RAD52: variants seen among roughly 807,000 people sequenced by gnomAD.
RAD52 encodes the protein RAD52 DNA repair protein, also known as DNA repair protein RAD52 homolog.
RAD52 carries 47 observed loss-of-function variants against 55.5 expected under a neutral mutation model. That is an observed-to-expected ratio of 0.85 (90% CI 0.67 to 1.08). RAD52 has a LOEUF of 1.08. Ranked by LOEUF, RAD52 falls within the 50% of genes least tolerant of loss-of-function variation. The probability of loss-of-function intolerance (pLI) is 0.00; values close to 1 mark genes in which losing one functional copy is unlikely to be tolerated. For synonymous variants in RAD52, 184 were observed against 198.9 expected (o/e 0.92, Z 0.63); for missense variants, 468 against 522.8 (o/e 0.90, Z 1.02).
intron 1 of RAD52, among the ~76,000 whole-genome samples, chr12:968,918 C>T (rs1389452040): frequency 1.3e-5 from 2 of 152,050 alleles, no homozygotes; most frequent in African/African-American, 4.8e-5. Context: ...TACACACACA[C>T]ACACAGAGTC....
chr12:914,840 TAACCCTTGCTCA>T (rs1956271630), intron 9 of RAD52, among the ~76,000 whole-genome samples: 1 of 152,086 alleles, frequency 6.6e-6, no homozygotes. Context: ...TTAACAGCCA[TAACCCTTGCTCA>T]AACAAAATCT....
intron 1 of RAD52, among the ~76,000 whole-genome samples, chr12:935,225 T>G (rs962788972): frequency 3.3e-5 from 5 of 152,014 alleles, no homozygotes; most frequent in Admixed American, 1.3e-4. Context: ...CCACAATCAC[T>G]GAAATGCTTT....
Position 913,001 on chromosome 12 carries a change from C to A in RAD52, c.*390G>T, listed in dbSNP as rs1285159082. 4.4e-6 allele frequency: 1 copy of A among 228,808 alleles called. No homozygotes were observed. The highest frequency in any genetic ancestry group is 8.6e-6 in the Non-Finnish European group (1 of 116,230). 14.2% of individuals were successfully genotyped at this position (228,808 alleles called of 1,614,324 possible). ...GAAAGAAGGCAGACGTTATGCAAAACAACTGAATGTAGACAATTGCTGAGG... is the reference window on the plus strand; with the variant it reads ...GAAAGAAGGCAGACGTTATGCAAAAAAACTGAATGTAGACAATTGCTGAGG... On this transcript the variant is annotated 3_prime_UTR_variant, in exon 12 of 12. Transcript: ENST00000358495.
intron 1 of RAD52, among the ~76,000 whole-genome samples, chr12:941,707 A>T (rs1592422558): frequency 1.3e-5 from 2 of 152,162 alleles, no homozygotes; most frequent in African/African-American, 4.8e-5. Context: ...ATCTCAGCTC[A>T]CTGCAACCTC....
chr12:913,121 G>A lies in RAD52; in HGVS notation c.*270C>T. The A allele has an allele frequency of 2.6e-6, 1 of 382,978 alleles. No individual in the cohort carries two copies. Among genetic ancestry groups the A allele is most frequent in the South Asian group, 6.6e-5 (1 of 15,240 alleles). 23.7% of individuals were successfully genotyped at this position (382,978 alleles called of 1,614,324 possible). A position where few individuals can be genotyped will look rare whatever the true frequency, so the allele number is the denominator to read the frequency against. On this transcript the variant is annotated 3_prime_UTR_variant, in exon 12 of 12. Coordinates refer to ENST00000358495, the MANE Select transcript of RAD52 (RefSeq NM_134424.4). ...CCATCTTCATTAACATAATAGTTCA[G>A]TAATAAATAGTGGGAAGCCTCACAA...
intron 1 of RAD52, among the ~76,000 whole-genome samples, chr12:945,040 A>T (rs1449982773): frequency 6.6e-6 from 1 of 152,054 alleles, no homozygotes; most frequent in Non-Finnish European, 1.5e-5. Flanking sequence ...ATGAAACTTT[A>T]AAAAAATTAG....
Position 920,434 on chromosome 12 carries a change from G to A in RAD52, c.544-3614C>T, listed in dbSNP as rs1956660378. 2.0e-5 allele frequency among the ~76,000 whole-genome samples: 3 copies of A among 147,970 alleles called. 1 individual carries two copies. Among genetic ancestry groups the A allele is most frequent in the Admixed American group, 2.0e-4 (3 of 14,798 alleles). ...AGCCGGGCGTAGGTGGCGGGCGCCT[G>A]TAGTCCCAGCTACTCAGGAGGCTGA... On this transcript the variant is annotated intron_variant, in intron 7 of 11. Coordinates refer to ENST00000358495, the MANE Select transcript of RAD52 (RefSeq NM_134424.4).
At chr12:935,849 G>A (rs902419155) in intron 1 of RAD52, among the ~76,000 whole-genome samples, 8 of 148,438 alleles carry the variant, frequency 5.4e-5, no homozygotes, top group African/African-American at 2.5e-5. Context: ...GTGAAACTCC[G>A]TCTCAAAAAA....
At chr12:921,219 T>C (rs1407499713) in intron 7 of RAD52, among the ~76,000 whole-genome samples, 2 of 148,936 alleles carry the variant, frequency 1.3e-5, no homozygotes, top group Non-Finnish European at 3.0e-5. Context: ...AAAAAAAAAG[T>C]TACACCCAAA....
chr12:914,016 A>G lies in RAD52; in HGVS notation c.1073T>C (p.Leu358Ser). The G allele has an allele frequency of 1.9e-6, 3 of 1,614,148 alleles. No homozygotes were observed. Among genetic ancestry groups the G allele is most frequent in the Non-Finnish European group, 2.5e-6 (3 of 1,180,020 alleles). Residue 358 changes from leucine (L) to serine (S), a missense_variant, in exon 11 of 12, where the codon TTA (leucine) becomes TCA (serine). Leu to Ser is a moderately radical substitution (Grantham distance 145). Coordinates refer to ENST00000358495, the MANE Select transcript of RAD52 (RefSeq NM_134424.4). Reference sequence around the variant, plus strand: ...GGTCACCATCTGGTTGTTCAAGGCTAATGTGTCAGAGGTCTGGGCTGGGTC... The same window carrying G: ...GGTCACCATCTGGTTGTTCAAGGCTGATGTGTCAGAGGTCTGGGCTGGGTC... ...RADPAQTSDTLALNNQMVTQN... is the reference protein window; with the variant it reads ...RADPAQTSDTSALNNQMVTQN...
rs115851433 is a variant in RAD52, at chr12:921,833, C to T, written c.543+3617G>A. ...ATATGAAAATATGGTTGGCTGGGTG[C>T]GGGGGCTCACACCTGTAATCCCATC... On this transcript the variant is annotated intron_variant, in intron 7 of 11. Coordinates refer to ENST00000358495, the MANE Select transcript of RAD52 (RefSeq NM_134424.4). Among the ~76,000 whole-genome samples, 659 of 151,962 alleles carry T rather than the reference C, an allele frequency of 4.3e-3. 5 individuals are homozygous for T. Among genetic ancestry groups the T allele is most frequent in the South Asian group, 0.032 (153 of 4,804 alleles).
At chr12:914,371 T>C in intron 10 of RAD52, 60 bp downstream of exon 10, 1 of 1,598,112 alleles carries the variant, frequency 6.3e-7, no homozygotes, top group Non-Finnish European at 8.5e-7. Flanking sequence ...GCCTAAAAGG[T>C]ATTCTGTGGC....
At chr12:965,236 C>T (rs1243300471) in intron 1 of RAD52, among the ~76,000 whole-genome samples, 1 of 152,028 alleles carries the variant, frequency 6.6e-6, no homozygotes. Context: ...CCTCGACTCC[C>T]AAAGTGCTGG....
chr12:955,497 G>A lies in RAD52; in HGVS notation c.-18-22421C>T, dbSNP rs182481467. ...TTCTTTCTTTTTTTTTTTTTGAGAC[G>A]GAGTCTCACTCTGTCGCCCAGGCCA... On this transcript the variant is annotated intron_variant, in intron 1 of 11. Transcript: ENST00000430095. 5.8e-3 allele frequency among the ~76,000 whole-genome samples: 851 copies of A among 147,926 alleles called. 5 individuals are homozygous for A. Among genetic ancestry groups the A allele is most frequent in the Middle Eastern group, 0.01 (3 of 286 alleles).
chr12:973,001 G>A (rs949551970), intron 1 of RAD52, among the ~76,000 whole-genome samples: 2 of 151,992 alleles, frequency 1.3e-5, no homozygotes, highest in Non-Finnish European at 1.5e-5. Flanking sequence ...GCAAGAAAGT[G>A]ACAGAATATA....
intron 11 of RAD52, among the ~76,000 whole-genome samples, chr12:913,657 G>C (rs892445052): frequency 2.0e-5 from 3 of 152,164 alleles, no homozygotes; most frequent in Non-Finnish European, 4.4e-5. Context: ...AGCTCTCCAT[G>C]CAGTCGTTTC....
Position 912,742 on chromosome 12 carries a change from A to C in RAD52, c.*649T>G, listed in dbSNP as rs796821152. 853 of 121,704 alleles carry C rather than the reference A, an allele frequency of 7.0e-3. 12 individuals carry two copies. Among genetic ancestry groups the C allele is most frequent in the African/African-American group, 0.027 (811 of 30,570 alleles). The allele number at this position is 121,704 out of a possible 1,614,324, so 7.5% of individuals were successfully genotyped here. A position where few individuals can be genotyped will look rare whatever the true frequency, so the allele number is the denominator to read the frequency against. ...CGTCTCAAAAAAAAAAAAAAAAAAAAAAACAAAAAACAGCCTTTTTTCGTG... is the reference window on the plus strand; with the variant it reads ...CGTCTCAAAAAAAAAAAAAAAAAAACAAACAAAAAACAGCCTTTTTTCGTG... On this transcript the variant is annotated 3_prime_UTR_variant, in exon 12 of 12. Coordinates refer to ENST00000358495, the MANE Select transcript of RAD52 (RefSeq NM_134424.4).
chr12:958,428 C>A (rs1175948484), intron 1 of RAD52, among the ~76,000 whole-genome samples: 3 of 152,106 alleles, frequency 2.0e-5, no homozygotes, highest in Non-Finnish European at 4.4e-5. Context: ...GTTGGCCAGG[C>A]TGGTCTCGAA....
At chr12:947,573 AAAC>A (rs1440810979) in intron 1 of RAD52, among the ~76,000 whole-genome samples, 3 of 142,254 alleles carry the variant, frequency 2.1e-5, no homozygotes, top group African/African-American at 5.3e-5. Context: ...TCCCCCCAAA[AAAC>A]AACAGACAAA....
Sources: gnomAD v4.1 joint callset for allele counts (sites outside exome capture counted in the v4.1 genomes callset) on GRCh38, gnomAD v4.1.1 for gene constraint, MANE v1.5 for transcripts, NCBI Gene and HGNC (gene_info 2026-07-23, HGNC 2026-07-21) for gene names.